PDE7B: variants seen among roughly 807,000 people sequenced by gnomAD.
The protein encoded by PDE7B is 3',5'-cyclic-AMP phosphodiesterase 7B.
A neutral mutation model predicts 56.2 loss-of-function variants in PDE7B; 29 were observed. That is an observed-to-expected ratio of 0.52 (90% CI 0.38 to 0.70). The LOEUF (loss-of-function observed/expected upper bound fraction) is 0.70, where lower values mean the gene tolerates loss of function less well. Ranked by LOEUF, PDE7B falls within the 30% of genes least tolerant of loss-of-function variation. PDE7B has a pLI of 0.00. For missense variants in PDE7B, 490 were observed against 565.0 expected (o/e 0.87, Z 1.35); for synonymous variants, 197 against 196.9 (o/e 1.00, Z 0.00).
chr6:135,929,822 A>C (rs929000217), intron 1 of PDE7B, among the ~76,000 whole-genome samples: 2 of 152,168 alleles, frequency 1.3e-5, no homozygotes, highest in Non-Finnish European at 2.9e-5. Context: ...ACCAGGTGAT[A>C]CCAGAGCTGT....
intron 2 of PDE7B, among the ~76,000 whole-genome samples, chr6:136,010,705 T>G (rs1775878090): frequency 6.6e-6 from 1 of 152,172 alleles, no homozygotes; most frequent in Non-Finnish European, 1.5e-5. Flanking sequence ...CTCAGCTCAC[T>G]GCAACCACTG....
chr6:135,894,865 T>A (rs1775870281), intron 1 of PDE7B, among the ~76,000 whole-genome samples: 5 of 152,152 alleles, frequency 3.3e-5, no homozygotes, highest in Admixed American at 3.3e-4. Flanking sequence ...AAATAAAATT[T>A]CAATCTCGCC....
At chr6:135,950,179 G>C (rs1436045838) in intron 2 of PDE7B, among the ~76,000 whole-genome samples, 1 of 152,036 alleles carries the variant, frequency 6.6e-6, no homozygotes, top group Non-Finnish European at 1.5e-5. Context: ...AAATAAACAA[G>C]AGAAATCAAA....
chr6:136,154,026 C>A (rs772239425), intron 6 of PDE7B, 49 bp from the exon 7 acceptor site: 5 of 1,235,346 alleles, frequency 4.0e-6, no homozygotes, highest in Non-Finnish European at 6.0e-6. Flanking sequence ...AGCTAGTATA[C>A]CACTCCTATT....
intron 3 of PDE7B, among the ~76,000 whole-genome samples, chr6:136,128,562 C>T (rs570044793): frequency 2.6e-5 from 4 of 151,778 alleles, no homozygotes; most frequent in African/African-American, 9.7e-5. Flanking sequence ...GGGACCCCCC[C>T]ACCCCTGGGC....
At chr6:135,958,572 A>G (rs571090099) in intron 2 of PDE7B, among the ~76,000 whole-genome samples, 2 of 152,160 alleles carry the variant, frequency 1.3e-5, no homozygotes, top group Non-Finnish European at 2.9e-5. Context: ...ATATTCATAA[A>G]TTATAAATAT....
chr6:136,058,610 T>C (rs184564065), intron 2 of PDE7B, among the ~76,000 whole-genome samples: 140 of 152,348 alleles, frequency 9.2e-4, no homozygotes, highest in Middle Eastern at 3.4e-3. Flanking sequence ...GATATTCCAA[T>C]GTTTTAAGCA....
rs539123037 is a variant in PDE7B at position 136,010,800 on chromosome 6, T to C, written c.82+63276T>C. 2.0e-5 allele frequency among the ~76,000 whole-genome samples: 3 copies of C among 152,110 alleles called. 1 individual carries two copies. In the South Asian group the frequency reaches 6.2e-4, roughly 32 times the overall value. On this transcript the variant is annotated intron_variant, in intron 2 of 12. Transcript: ENST00000308191. ...AGCCAAACCATATCAGAGGTCAAAATTAGAGATTAAGGAAAAAGAACCATA... is the reference window on the plus strand; with the variant it reads ...AGCCAAACCATATCAGAGGTCAAAACTAGAGATTAAGGAAAAAGAACCATA...
At chr6:135,885,466 A>T (rs967826096) in intron 1 of PDE7B, among the ~76,000 whole-genome samples, 5 of 152,126 alleles carry the variant, frequency 3.3e-5, no homozygotes, top group Non-Finnish European at 7.4e-5. Context: ...CTCTTCCCAC[A>T]TCAACATGTC....
intron 1 of PDE7B, among the ~76,000 whole-genome samples, chr6:135,916,627 A>G (rs1297327928): frequency 1.3e-5 from 2 of 151,638 alleles, no homozygotes; most frequent in Non-Finnish European, 2.9e-5. Context: ...TCTTGATCCC[A>G]TGATCCACCT....
At chr6:135,977,630 G>A (rs1222676170) in intron 2 of PDE7B, among the ~76,000 whole-genome samples, 2 of 152,078 alleles carry the variant, frequency 1.3e-5, no homozygotes, top group African/African-American at 2.4e-5. Flanking sequence ...GGTGGGGACC[G>A]AGACCAATTT....
At chr6:135,852,757 A>G (rs1004903457) in intron 1 of PDE7B, among the ~76,000 whole-genome samples, 3 of 152,214 alleles carry the variant, frequency 2.0e-5, no homozygotes, top group Admixed American at 2.0e-4. Flanking sequence ...ATCTTTTCCT[A>G]CAATAGTTGA....
intron 12 of PDE7B, 108 bp from the exon 13 acceptor site, chr6:136,191,506 A>C: frequency 1.1e-6 from 1 of 905,056 alleles, no homozygotes; most frequent in South Asian, 1.6e-5. Flanking sequence ...ATCTCTACTA[A>C]AGATACAAAA....
intron 2 of PDE7B, among the ~76,000 whole-genome samples, chr6:136,068,423 C>CTTTT (rs33992191): frequency 1.3e-4 from 10 of 79,534 alleles, no homozygotes; most frequent in Non-Finnish European, 2.0e-4. Flanking sequence ...ACCAAGATTC[C>CTTTT]TTTTTTTTTT....
At chr6:136,080,341 T>C (rs1399535927) in intron 2 of PDE7B, among the ~76,000 whole-genome samples, 1 of 152,236 alleles carries the variant, frequency 6.6e-6, no homozygotes, top group Non-Finnish European at 1.5e-5. Flanking sequence ...AGTTTGGCAA[T>C]GAGAACAAAC....
intron 3 of PDE7B, among the ~76,000 whole-genome samples, chr6:136,129,461 A>G (rs1250499136): frequency 6.6e-6 from 1 of 152,166 alleles, no homozygotes; most frequent in African/African-American, 2.4e-5. Context: ...TGGAAGTCCC[A>G]GGAGAGGGCA....
chr6:135,955,381 G>A (rs1019638946), intron 2 of PDE7B, among the ~76,000 whole-genome samples: 2 of 152,080 alleles, frequency 1.3e-5, no homozygotes, highest in Non-Finnish European at 2.9e-5. Flanking sequence ...CCTGGAGCTT[G>A]CACTGAGGAC....
chr6:135,915,253 G>T (rs760861866), intron 1 of PDE7B, among the ~76,000 whole-genome samples: 1 of 152,204 alleles, frequency 6.6e-6, no homozygotes, highest in Non-Finnish European at 1.5e-5. Flanking sequence ...AAAACAGCAC[G>T]TAGGTCTTCG....
intron 1 of PDE7B, among the ~76,000 whole-genome samples, chr6:135,910,707 G>A (rs993864477): frequency 6.6e-6 from 1 of 152,006 alleles, no homozygotes; most frequent in Admixed American, 6.6e-5. Context: ...TATTTTCACT[G>A]CCCTAAAAAT....
Sources: allele counts gnomAD v4.1 joint callset (sites outside exome capture counted in the v4.1 genomes callset), GRCh38; gene constraint gnomAD v4.1.1; transcripts MANE v1.5; gene names NCBI Gene and HGNC (gene_info 2026-07-23, HGNC 2026-07-21).